Variants in ROBO2 observed in about 807,000 individuals in gnomAD.
ROBO2 encodes roundabout homolog 2.
Under a neutral mutation model 160.8 loss-of-function variants are expected in ROBO2, and 53 were observed. The observed-to-expected ratio is 0.33, with a 90% confidence interval of 0.26 to 0.41. The LOEUF (loss-of-function observed/expected upper bound fraction) is 0.41. Ranked by LOEUF, ROBO2 falls within the 10% of genes least tolerant of loss-of-function variation. The probability of loss-of-function intolerance (pLI) is 1.00; values close to 1 mark genes in which losing one functional copy is unlikely to be tolerated. For synonymous variants in ROBO2, 664 were observed against 611.7 expected, an observed-to-expected ratio of 1.09 and a Z score of -1.26; for missense variants, 1,577 against 1,722.4, an observed-to-expected ratio of 0.92 and a Z score of 1.49.
intron 1 of ROBO2, among the ~76,000 whole-genome samples, chr3:77,066,570 T>C (rs1458958198): frequency 6.6e-6 from 1 of 152,134 alleles, no homozygotes; most frequent in Non-Finnish European, 1.5e-5. Context: ...AGAAATCATA[T>C]AACAATGTGA....
chr3:76,519,279 T>A lies in ROBO2; in HGVS notation c.110-578735T>A, dbSNP rs75585427. On this transcript the variant is annotated intron_variant, in intron 2 of 26. Transcript: ENST00000487694. ...TTACTGGAGCACAGCCATCCATTTGTTTATGTATGTTCCTACTACGTGAGC... is the reference window on the plus strand; with the variant it reads ...TTACTGGAGCACAGCCATCCATTTGATTATGTATGTTCCTACTACGTGAGC... 2.9e-4 allele frequency among the ~76,000 whole-genome samples: 44 copies of A among 152,330 alleles called. 2 individuals are homozygous for A. Among genetic ancestry groups the A allele is most frequent in the South Asian group, 2.7e-3 (13 of 4,832 alleles).
intron 2 of ROBO2, among the ~76,000 whole-genome samples, chr3:76,664,999 CGT>C (rs2110093764): frequency 6.6e-6 from 1 of 152,116 alleles, no homozygotes; most frequent in Admixed American, 6.5e-5. Context: ...TAAGAGGCAA[CGT>C]GTGAGATTTG....
At chr3:77,396,778 C>G (rs1187292741) in intron 2 of ROBO2, among the ~76,000 whole-genome samples, 3 of 152,012 alleles carry the variant, frequency 2.0e-5, no homozygotes, top group Admixed American at 6.6e-5. Flanking sequence ...TTTTCTTAAT[C>G]TTGTCAGTGT....
At chr3:76,362,170 G>T (rs768204439) in intron 2 of ROBO2, among the ~76,000 whole-genome samples, 2 of 151,968 alleles carry the variant, frequency 1.3e-5, no homozygotes, top group Non-Finnish European at 2.9e-5. Context: ...TTTGAGACCA[G>T]CCTGGTCAAC....
At chr3:77,087,328 A>G (rs765188103) in intron 1 of ROBO2, among the ~76,000 whole-genome samples, 1 of 152,184 alleles carries the variant, frequency 6.6e-6, no homozygotes, top group Non-Finnish European at 1.5e-5. Flanking sequence ...GCAATTTCAA[A>G]CCACATGAAA....
At chr3:77,004,140 G>T (rs939626959) in intron 2 of ROBO2, among the ~76,000 whole-genome samples, 1 of 152,040 alleles carries the variant, frequency 6.6e-6, no homozygotes, top group South Asian at 2.1e-4. Context: ...TATAATAAAG[G>T]TCTATATCAT....
intron 2 of ROBO2, among the ~76,000 whole-genome samples, chr3:75,938,029 T>A (rs1378112802): frequency 6.6e-6 from 1 of 151,486 alleles, no homozygotes; most frequent in East Asian, 1.9e-4. Flanking sequence ...TTCTTTAGGG[T>A]TTTTGTGTTT....
chr3:76,813,476 C>G (rs1221890338), intron 2 of ROBO2, among the ~76,000 whole-genome samples: 1 of 152,036 alleles, frequency 6.6e-6, no homozygotes, highest in African/African-American at 2.4e-5. Flanking sequence ...ATAATTTTCT[C>G]TCATTAAAAT....
chr3:76,713,317 A>G (rs2107627776), intron 2 of ROBO2, among the ~76,000 whole-genome samples: 1 of 152,296 alleles, frequency 6.6e-6, no homozygotes, highest in East Asian at 1.9e-4. Flanking sequence ...CTTTGAATTA[A>G]AAGTCAAATA....
intron 2 of ROBO2, among the ~76,000 whole-genome samples, chr3:77,199,606 T>C (rs1579901562): frequency 6.6e-6 from 1 of 150,580 alleles, no homozygotes; most frequent in East Asian, 2.0e-4. Flanking sequence ...TTTATTCTGA[T>C]GGACTCAGTC....
chr3:76,461,204 T>A (rs899780527), intron 2 of ROBO2, among the ~76,000 whole-genome samples: 1 of 152,042 alleles, frequency 6.6e-6, no homozygotes, highest in Non-Finnish European at 1.5e-5. Context: ...ATGGCCTGAG[T>A]GGAGCAAGGC....
At chr3:77,540,612 G>T (rs536900146) in intron 6 of ROBO2, among the ~76,000 whole-genome samples, 38 of 152,272 alleles carry the variant, frequency 2.5e-4, no homozygotes, top group South Asian at 8.3e-4. Flanking sequence ...TCAGGAAAAA[G>T]AGCTAACGCA....
At chr3:76,625,785 C>T (rs2089597683) in intron 2 of ROBO2, among the ~76,000 whole-genome samples, 1 of 152,102 alleles carries the variant, frequency 6.6e-6, no homozygotes, top group Non-Finnish European at 1.5e-5. Flanking sequence ...TCGTATCATA[C>T]AGGACTTGTA....
chr3:77,297,037 A>G (rs75954414), intron 2 of ROBO2, among the ~76,000 whole-genome samples: 1 of 146,076 alleles, frequency 6.8e-6, no homozygotes, highest in Non-Finnish European at 1.5e-5. Context: ...GAAACTAAAA[A>G]TTTTTTTTTT....
chr3:77,166,222 C>T (rs560500267), intron 2 of ROBO2, among the ~76,000 whole-genome samples: 231 of 152,046 alleles, frequency 1.5e-3, no homozygotes, highest in African/African-American at 4.9e-3. Context: ...CCTGCCACTG[C>T]ACTCCAGCTT....
At chr3:76,765,460 T>C (rs1222591741) in intron 2 of ROBO2, among the ~76,000 whole-genome samples, 3 of 151,622 alleles carry the variant, frequency 2.0e-5, no homozygotes, top group Non-Finnish European at 4.4e-5. Context: ...TCTCCTCCCA[T>C]TGAATCTGGG....
chr3:76,469,981 C>T (rs1211969552), intron 2 of ROBO2, among the ~76,000 whole-genome samples: 1 of 152,158 alleles, frequency 6.6e-6, no homozygotes, highest in Non-Finnish European at 1.5e-5. Flanking sequence ...TACTATTCTG[C>T]AAGCCAGCTT....
intron 2 of ROBO2, among the ~76,000 whole-genome samples, chr3:77,268,205 G>A (rs1489207552): frequency 6.6e-6 from 1 of 152,092 alleles, no homozygotes; most frequent in Non-Finnish European, 1.5e-5. Context: ...TTTTTAATTA[G>A]CTTCTTTTGT....
chr3:76,821,686 G>C (rs1285687552), intron 2 of ROBO2, among the ~76,000 whole-genome samples: 1 of 151,604 alleles, frequency 6.6e-6, no homozygotes, highest in African/African-American at 2.4e-5. Flanking sequence ...TTAAAGGGAG[G>C]CATTCTTTTC....
Sources: allele counts gnomAD v4.1 joint callset (sites outside exome capture counted in the v4.1 genomes callset), GRCh38; gene constraint gnomAD v4.1.1; transcripts MANE v1.5; gene names NCBI Gene and HGNC (gene_info 2026-07-23, HGNC 2026-07-21).